USP43: variants seen among roughly 807,000 people sequenced by gnomAD.
USP43 encodes ubiquitin specific peptidase 43, also known as ubiquitin carboxyl-terminal hydrolase 43.
A neutral mutation model predicts 90.7 loss-of-function variants in USP43; 33 were observed. The ratio of observed to expected loss-of-function variants is 0.36; its 90% confidence interval spans 0.28 to 0.49. USP43 has a LOEUF of 0.49. Among genes scored for constraint, USP43 ranks in the 20% least tolerant of loss-of-function variants. USP43 has a pLI of 0.98. For missense variants in USP43, 1,274 were observed against 1,476.4 expected, an observed-to-expected ratio of 0.86 and a Z score of 2.25; for synonymous variants, 598 against 615.8, an observed-to-expected ratio of 0.97 and a Z score of 0.43.
intron 4 of USP43, among the ~76,000 whole-genome samples, chr17:9,675,747 T>C (rs1263190838): frequency 2.0e-5 from 3 of 152,200 alleles, no homozygotes; most frequent in Non-Finnish European, 4.4e-5. Flanking sequence ...TGCTCTAAAA[T>C]TGTGTGCTGC....
intron 14 of USP43, among the ~76,000 whole-genome samples, chr17:9,715,669 G>A (rs111210313): frequency 0.017 from 2,511 of 149,144 alleles, 44 homozygotes; most frequent in African/African-American, 0.041. Context: ...GTATGTGCCT[G>A]TGTGTGTGTC....
chr17:9,706,418 C>A (rs1162028443), intron 12 of USP43, among the ~76,000 whole-genome samples: 24 of 151,924 alleles, frequency 1.6e-4, no homozygotes, highest in Admixed American at 1.4e-3. Context: ...GATTAGAAAG[C>A]CTTTTTCACT....
intron 3 of USP43, among the ~76,000 whole-genome samples, chr17:9,670,934 G>A (rs1209950872): frequency 6.6e-6 from 1 of 152,156 alleles, no homozygotes; most frequent in Non-Finnish European, 1.5e-5. Context: ...GTGGTCAGTG[G>A]GGGAAGTGCC....
At chr17:9,665,421 C>T (rs566393253) in intron 2 of USP43, among the ~76,000 whole-genome samples, 9 of 152,030 alleles carry the variant, frequency 5.9e-5, no homozygotes, top group Non-Finnish European at 8.8e-5. Context: ...AAGCAGGCAC[C>T]GTCTTCACAA....
Position 9,667,391 on chromosome 17 carries a change from CA to C in USP43, c.740+649del, listed in dbSNP as rs201363740. 2.7e-3 allele frequency among the ~76,000 whole-genome samples: 407 copies of C among 149,518 alleles called. 6 individuals carry two copies. The highest frequency in any genetic ancestry group is 0.025 in the Admixed American group (373 of 14,952). On this transcript the variant is annotated intron_variant, in intron 3 of 14. Coordinates refer to ENST00000285199, the MANE Select transcript of USP43 (RefSeq NM_153210.5). ...TGGGCAACAGAGTGAAACCCTATCT[CA>C]AAAAAAAAGTAAATAAATAAATAAA...
chr17:9,704,514 A>T (rs1335158350), intron 12 of USP43, among the ~76,000 whole-genome samples: 1 of 152,098 alleles, frequency 6.6e-6, no homozygotes, highest in Non-Finnish European at 1.5e-5. Context: ...ACAGGGTTTC[A>T]CCATGTTGGA....
At chr17:9,703,582 C>T (rs1180933067) in intron 12 of USP43, among the ~76,000 whole-genome samples, 1 of 152,178 alleles carries the variant, frequency 6.6e-6, no homozygotes, top group Non-Finnish European at 1.5e-5. Context: ...AGGAAAGAGC[C>T]TGTTTAATAC....
intron 9 of USP43, among the ~76,000 whole-genome samples, chr17:9,696,635 A>G (rs983581440): frequency 6.6e-6 from 1 of 152,172 alleles, no homozygotes; most frequent in African/African-American, 2.4e-5. Flanking sequence ...TTTGTGTTTA[A>G]ATGGTGACAC....
At chr17:9,712,961 C>G (rs139160325) in intron 14 of USP43, among the ~76,000 whole-genome samples, 4 of 152,274 alleles carry the variant, frequency 2.6e-5, no homozygotes, top group African/African-American at 7.2e-5. Flanking sequence ...TCACCTCAAA[C>G]ATTTATCATT....
At chr17:9,681,462 T>TTATA (rs1184883523) in intron 6 of USP43, among the ~76,000 whole-genome samples, 1,061 of 17,544 alleles carry the variant, frequency 0.06, 48 homozygotes, top group Middle Eastern at 0.14. Flanking sequence ...ATAAAATATA[T>TTATA]TATATATATA....
chr17:9,696,349 G>C (rs1188548306), intron 9 of USP43, among the ~76,000 whole-genome samples: 1 of 152,090 alleles, frequency 6.6e-6, no homozygotes, highest in Non-Finnish European at 1.5e-5. Context: ...GCCCAGGCTG[G>C]TTGTGAACTC....
intron 3 of USP43, among the ~76,000 whole-genome samples, chr17:9,670,391 C>T (rs1395352027): frequency 6.6e-6 from 1 of 152,106 alleles, no homozygotes; most frequent in Non-Finnish European, 1.5e-5. Context: ...GAGGCAGGAG[C>T]AACAGTTGGT....
rs748281076 is a variant in USP43, at chr17:9,693,202, C to T, written c.1429C>T (p.Arg477Trp). 38 of 1,613,094 alleles carry T rather than the reference C, an allele frequency of 2.4e-5. No individual in the cohort carries two copies. Among genetic ancestry groups the T allele is most frequent in the Middle Eastern group, 1.6e-4 (1 of 6,082 alleles). Residue 477 changes from arginine (R) to tryptophan (W), a missense_variant, in exon 9 of 15, where the codon CGG becomes TGG. This residue lies in a region of USP43 where 253 missense variants were observed against 276.0 expected (regional missense o/e 0.92). Coordinates refer to ENST00000285199, the MANE Select transcript of USP43 (RefSeq NM_153210.5). ...ACSYLSPKDS[R>W]PLCHWAVDRV... ...CAGCTATTTGTCTCCGAAGGACAGT[C>T]GGCCCCTCTGTCACTGGGCAGTTGA...
chr17:9,713,379 G>A (rs553070032), intron 14 of USP43, among the ~76,000 whole-genome samples: 37 of 152,210 alleles, frequency 2.4e-4, no homozygotes, highest in Non-Finnish European at 5.0e-4. Flanking sequence ...ATGAGCCACC[G>A]CACCTGGCCT....
In USP43 at chr17:9,728,940, C is replaced by T; in HGVS notation, c.3322C>T (p.His1108Tyr). The T allele has an allele frequency of 1.2e-6, 2 of 1,601,438 alleles. No homozygotes were observed. Among genetic ancestry groups the T allele is most frequent in the Middle Eastern group, 3.3e-4 (2 of 5,992 alleles). ...TGGCACCTTTCAGAGAGTCAAATAT[C>T]ACACTCTTTCTTTAGGTCGAAAGAA... Reference protein sequence around the residue: ...SYGTFQRVKYHTLSLGRKKTL... With the variant: ...SYGTFQRVKYYTLSLGRKKTL... The change falls in exon 15 of 15, where the codon CAC (histidine) becomes TAC (tyrosine). Residue 1108 changes from histidine to tyrosine, a missense_variant. Around this residue, in one of 6 missense-constraint regions of USP43, gnomAD observed 353 missense variants for 329.7 expected, o/e 1.07. Transcript: ENST00000285199. This position sits in a 1 kb window ranked among gnomAD's most constrained non-coding sequence, Gnocchi z 6.2.
rs1438033101 is a variant in USP43, at chr17:9,645,567, G to A, written c.-66G>A. On this transcript the variant is annotated 5_prime_UTR_variant, in exon 1 of 15. Transcript: ENST00000285199. This position sits in a 1 kb window ranked among gnomAD's most constrained non-coding sequence, Gnocchi z 6.8. ...CCAGGAGCCTTAGAGAAGCTGTAGG[G>A]CCTGCTGGCCGCTCGTCCGCCTCGC... The A allele has an allele frequency of 5.2e-6, 6 of 1,163,070 alleles. No individual in the cohort carries two copies. The highest frequency in any genetic ancestry group is 5.3e-6 in the Non-Finnish European group (5 of 944,038). 72.0% of individuals were successfully genotyped at this position (1,163,070 alleles called of 1,614,324 possible).
intron 10 of USP43, among the ~76,000 whole-genome samples, 184 bp downstream of exon 10, chr17:9,700,433 A>G (rs1915503944): frequency 6.6e-6 from 1 of 152,198 alleles, no homozygotes; most frequent in African/African-American, 2.4e-5. Flanking sequence ...AGTGACAGGA[A>G]TGGAGGAATG....
chr17:9,698,449 A>G (rs1291085235), intron 9 of USP43, among the ~76,000 whole-genome samples: 1 of 152,210 alleles, frequency 6.6e-6, no homozygotes, highest in Non-Finnish European at 1.5e-5. Flanking sequence ...GTGTCCCCAG[A>G]CACCTGAGTG....
chr17:9,696,739 C>T (rs1915291403), intron 9 of USP43, among the ~76,000 whole-genome samples: 1 of 152,214 alleles, frequency 6.6e-6, no homozygotes, highest in Admixed American at 6.5e-5. Flanking sequence ...CCTCCCAGTG[C>T]CCACGGGATA....
Sources: allele counts gnomAD v4.1 joint callset (sites outside exome capture counted in the v4.1 genomes callset), GRCh38; gene constraint gnomAD v4.1.1; regional missense constraint gnomAD v4.1.1; non-coding constraint Gnocchi (gnomAD v3.1); transcripts MANE v1.5; gene names NCBI Gene and HGNC (gene_info 2026-07-23, HGNC 2026-07-21).